The following CAMTA1 variants were observed in gnomAD, a reference collection of about 807,000 sequenced individuals.
The protein encoded by CAMTA1 is calmodulin-binding transcription activator 1.
A neutral mutation model predicts 170.9 loss-of-function variants in CAMTA1; 27 were observed. The observed-to-expected ratio is 0.16, with a 90% CI of 0.12 to 0.22. The LOEUF (loss-of-function observed/expected upper bound fraction) is 0.22, where lower values mean the gene tolerates loss of function less well. Among genes scored for constraint, CAMTA1 ranks in the 10% least tolerant of loss-of-function variants. The pLI, the probability that CAMTA1 is intolerant of heterozygous loss-of-function variation, is 1.00. For synonymous variants in CAMTA1, 833 were observed against 891.5 expected (o/e 0.93, Z 1.17); for missense variants, 1,619 against 2,217.2 (o/e 0.73, Z 5.42).
rs1002910315 is a variant in CAMTA1, at chr1:7,041,529, G to A, written c.235-49775G>A. 6.6e-6 allele frequency among the ~76,000 whole-genome samples: 1 copy of A among 152,192 alleles called. No homozygotes were observed. The highest frequency in any genetic ancestry group is 1.5e-5 in the Non-Finnish European group (1 of 68,038). On this transcript the variant is annotated intron_variant, in intron 3 of 22. Coordinates refer to ENST00000303635, the MANE Select transcript of CAMTA1 (RefSeq NM_015215.4). This position sits in a 1 kb window ranked among gnomAD's most constrained non-coding sequence, Gnocchi z 5.1. ...TTATGTGGGGCTGAGAAACTCTTAC[G>A]AAATTAAGCATAATGCGAAAACATG... is the stretch of plus-strand genomic sequence containing the variant.
Position 7,167,252 on chromosome 1 carries a change from A to G in CAMTA1, c.302+75881A>G, listed in dbSNP as rs79634244. Among the ~76,000 whole-genome samples, 1,424 of 152,320 alleles carry G rather than the reference A, an allele frequency of 9.3e-3. 18 individuals are homozygous for G. The highest frequency in any genetic ancestry group is 0.032 in the African/African-American group (1,311 of 41,570). ...TTCACATCCAAGTTTTAATCTATCT[A>G]AAATTCATTTTGTGTAGGAAAATTC... is the stretch of plus-strand genomic sequence containing the variant. On this transcript the variant is annotated intron_variant, in intron 4 of 22. Coordinates refer to ENST00000303635, the MANE Select transcript of CAMTA1 (RefSeq NM_015215.4).
At chr1:7,282,866 C>T (rs1369227475) in intron 5 of CAMTA1, among the ~76,000 whole-genome samples, 3 of 152,116 alleles carry the variant, frequency 2.0e-5, no homozygotes, top group Admixed American at 6.5e-5. Context: ...AGTCCTAACA[C>T]CCTTGTGTCT....
At chr1:7,610,988 C>G (rs993745837) in intron 6 of CAMTA1, among the ~76,000 whole-genome samples, 4 of 152,210 alleles carry the variant, frequency 2.6e-5, no homozygotes, top group Admixed American at 1.3e-4. Context: ...CAGGCCCAGG[C>G]CTGAGACCCC....
At chr1:7,501,103 C>T (rs2093998439) in intron 6 of CAMTA1, among the ~76,000 whole-genome samples, 1 of 152,164 alleles carries the variant, frequency 6.6e-6, no homozygotes, top group African/African-American at 2.4e-5. Context: ...GTCCTTGACA[C>T]CACTGCTGGC....
At chr1:6,941,278 G>A (rs759611840) in intron 3 of CAMTA1, among the ~76,000 whole-genome samples, 7 of 152,140 alleles carry the variant, frequency 4.6e-5, no homozygotes, top group South Asian at 4.1e-4. Flanking sequence ...ACTTGAAGTC[G>A]TAGGACACCA....
At position 6,834,917 on chromosome 1, in the gene CAMTA1, G is replaced by C. The variant is rs142980382; in HGVS notation, c.234+9707G>C. On this transcript the variant is annotated intron_variant, in intron 3 of 22. Transcript: ENST00000303635. Reference sequence around the variant, plus strand: ...GCCTCCCAAAGTGCTGGGATTATGGGTGGGAGCTCCCGCCCACACTCGGCC... The same window carrying C: ...GCCTCCCAAAGTGCTGGGATTATGGCTGGGAGCTCCCGCCCACACTCGGCC... Among the ~76,000 whole-genome samples the C allele has an allele frequency of 2.2e-3, 338 of 152,290 alleles. 2 individuals carry two copies. In the Middle Eastern group the frequency reaches 0.024, roughly 11 times the overall value.
In CAMTA1 at chr1:7,279,409, C is replaced by T. The variant is rs149297608; in HGVS notation, c.438+29783C>T. Reference sequence around the variant, plus strand: ...CTCCCTGTGCTAACATTCTGGGCCTCAGGCTTAAGTAAGAGGCAGATGGCC... The same window carrying T: ...CTCCCTGTGCTAACATTCTGGGCCTTAGGCTTAAGTAAGAGGCAGATGGCC... On this transcript the variant is annotated intron_variant, in intron 5 of 22. Coordinates refer to ENST00000303635, the MANE Select transcript of CAMTA1 (RefSeq NM_015215.4). Among the ~76,000 whole-genome samples the T allele has an allele frequency of 2.3e-4, 35 of 152,250 alleles. No individual in the cohort carries two copies. The East Asian group carries it at 6.0e-3, about 26-fold the overall frequency.
intron 2 of CAMTA1, among the ~76,000 whole-genome samples, chr1:6,821,026 C>T (rs572363632): frequency 6.6e-6 from 1 of 152,132 alleles, no homozygotes; most frequent in East Asian, 1.9e-4. Context: ...TAAGCCTGGA[C>T]CCGAGATTTT....
In CAMTA1 at chr1:7,333,990, G is replaced by C. The variant is rs1022346507; in HGVS notation, c.438+84364G>C. On this transcript the variant is annotated intron_variant, in intron 5 of 22. Transcript: ENST00000303635. This position sits in a 1 kb window ranked among gnomAD's most constrained non-coding sequence, Gnocchi z 4.4. ...GCTCTCTGCTCTCCAGCCTGATGTG[G>C]GCAAATTGTGTCACGTAGCCAGGCA... Among the ~76,000 whole-genome samples the C allele has an allele frequency of 6.6e-6, 1 of 152,136 alleles. No individual in the cohort carries two copies. The highest frequency in any genetic ancestry group is 1.5e-5 in the Non-Finnish European group (1 of 68,028).
chr1:7,665,074 A>T lies in CAMTA1; in HGVS notation c.2527A>T (p.Met843Leu), dbSNP rs747668666. The change falls in exon 9 of 23, where the codon ATG becomes TTG. Residue 843 changes from methionine to leucine, a missense_variant. Around this residue, in one of 8 missense-constraint regions of CAMTA1, gnomAD observed 731 missense variants for 907.6 expected, o/e 0.81. Transcript: ENST00000303635. This position sits in a 1 kb window ranked among gnomAD's most constrained non-coding sequence, Gnocchi z 4.3. ...LSSSEGGAST[M>L]AYMHVAEVVS... Reference sequence around the variant, plus strand: ...CAGCTCGGAGGGCGGGGCCAGCACCATGGCCTACATGCACGTCGCCGAGGT... The same window carrying T: ...CAGCTCGGAGGGCGGGGCCAGCACCTTGGCCTACATGCACGTCGCCGAGGT... The T allele has an allele frequency of 1.3e-6, 2 of 1,558,504 alleles. No individual in the cohort carries two copies. Among genetic ancestry groups the T allele is most frequent in the African/African-American group, 1.4e-5 (1 of 73,526 alleles).
intron 16 of CAMTA1, 23 bp from the exon 17 acceptor site, chr1:7,744,812 G>C (rs778030698): frequency 4.4e-6 from 7 of 1,604,740 alleles, no homozygotes; most frequent in African/African-American, 1.3e-5. Flanking sequence ...TAACCTGAGT[G>C]TTCTGTGAAC....
At chr1:6,932,854 T>G (rs1684643825) in intron 3 of CAMTA1, among the ~76,000 whole-genome samples, 1 of 152,194 alleles carries the variant, frequency 6.6e-6, no homozygotes, top group Non-Finnish European at 1.5e-5. Context: ...TTCTTATTAT[T>G]GTTTTGAGAG....
chr1:7,763,430 C>T lies in CAMTA1; in HGVS notation c.4990-3029C>T, dbSNP rs146777163. Among the ~76,000 whole-genome samples, 15 of 152,302 alleles carry T rather than the reference C, an allele frequency of 9.8e-5. No individual in the cohort carries two copies. The East Asian group carries it at 2.3e-3, about 23-fold the overall frequency. ...GCCTGGAAAATATATCTGAAAATTGCATTGTTCTCATTTTTCCTGCGTAGA... is the reference window on the plus strand; with the variant it reads ...GCCTGGAAAATATATCTGAAAATTGTATTGTTCTCATTTTTCCTGCGTAGA... On this transcript the variant is annotated intron_variant, in intron 22 of 22. Coordinates refer to ENST00000303635, the MANE Select transcript of CAMTA1 (RefSeq NM_015215.4).
At chr1:7,451,651 C>T (rs1332553911) in intron 5 of CAMTA1, among the ~76,000 whole-genome samples, 1 of 152,108 alleles carries the variant, frequency 6.6e-6, no homozygotes, top group Non-Finnish European at 1.5e-5. Context: ...GGAGGCCTCC[C>T]TTCCTCCTGT....
intron 6 of CAMTA1, among the ~76,000 whole-genome samples, chr1:7,528,571 T>C (rs2094455751): frequency 6.6e-6 from 1 of 152,122 alleles, no homozygotes; most frequent in Admixed American, 6.6e-5. Context: ...AGCGTCTGCA[T>C]TGGTCTCGGG....
intron 5 of CAMTA1, among the ~76,000 whole-genome samples, chr1:7,411,319 G>T (rs1448606220): frequency 6.6e-6 from 1 of 152,162 alleles, no homozygotes; most frequent in Non-Finnish European, 1.5e-5. Flanking sequence ...GACGCAGGAT[G>T]TTTCAGCGTC....
intron 11 of CAMTA1, among the ~76,000 whole-genome samples, chr1:7,705,566 C>A (rs1013615568): frequency 6.6e-6 from 1 of 151,146 alleles, no homozygotes; most frequent in South Asian, 2.1e-4. Flanking sequence ...CCGGCCCGGC[C>A]GGCGGCGAGT....
At chr1:7,541,830 G>A (rs1007246221) in intron 6 of CAMTA1, among the ~76,000 whole-genome samples, 1 of 152,038 alleles carries the variant, frequency 6.6e-6, no homozygotes. Flanking sequence ...TGGGAGAGGT[G>A]CATGGAAGGG....
intron 14 of CAMTA1, 53 bp from the exon 15 acceptor site, chr1:7,737,202 G>A (rs1194444363): frequency 1.1e-5 from 18 of 1,567,862 alleles, no homozygotes; most frequent in Non-Finnish European, 1.3e-5. Flanking sequence ...CAAAAGTCAG[G>A]TCTGGTCTTG....
Sources: gnomAD v4.1 joint callset for allele counts (sites outside exome capture counted in the v4.1 genomes callset) on GRCh38, gnomAD v4.1.1 for gene constraint, gnomAD v4.1.1 regional missense constraint, Gnocchi (gnomAD v3.1) non-coding constraint, MANE v1.5 for transcripts, NCBI Gene and HGNC (gene_info 2026-07-23, HGNC 2026-07-21) for gene names.